Variants in SEMA6D observed in about 807,000 individuals in gnomAD.
The protein encoded by SEMA6D is semaphorin-6D.
In SEMA6D, 35 loss-of-function variants were observed where a neutral mutation model predicts 106.6. The ratio of observed to expected loss-of-function variants is 0.33; its 90% CI spans 0.25 to 0.44. The LOEUF (loss-of-function observed/expected upper bound fraction) is 0.44, where lower values mean the gene tolerates loss of function less well. Ranked by LOEUF, SEMA6D falls within the 20% of genes least tolerant of loss-of-function variation. The pLI, the probability that SEMA6D is intolerant of heterozygous loss-of-function variation, is 1.00. For missense variants in SEMA6D, 1,185 were observed against 1,345.9 expected, an observed-to-expected ratio of 0.88 and a Z score of 1.87; for synonymous variants, 499 against 487.7, an observed-to-expected ratio of 1.02 and a Z score of -0.31.
rs368127715 is a variant in SEMA6D, at chr15:47,469,217, TCTTAA to T, written c.-158-1255_-158-1251del. Among the ~76,000 whole-genome samples, 350 of 152,250 alleles carry T rather than the reference TCTTAA, an allele frequency of 2.3e-3. 1 individual carries two copies. The highest frequency in any genetic ancestry group is 8.2e-3 in the African/African-American group (340 of 41,538). ...TTGAACTTTATTATGATTTTAAAAC[TCTTAA>T]CAGGCAGTGCACCCCCTTATTGCCC... On this transcript the variant is annotated intron_variant, in intron 2 of 19. Coordinates refer to the SEMA6D transcript ENST00000558014.
chr15:47,529,883 C>T (rs151111486), intron 3 of SEMA6D, among the ~76,000 whole-genome samples: 54 of 152,288 alleles, frequency 3.5e-4, no homozygotes, highest in Admixed American at 1.1e-3. Context: ...TTTGAAAGAG[C>T]ATGTTCCAGG....
At chr15:47,210,303 G>C (rs1895397337) in intron 1 of SEMA6D, among the ~76,000 whole-genome samples, 2 of 152,280 alleles carry the variant, frequency 1.3e-5, no homozygotes, top group South Asian at 4.1e-4. Flanking sequence ...ACAAAAGAAG[G>C]TGGGGTTTCT....
At chr15:47,520,183 C>T (rs1365425979) in intron 3 of SEMA6D, among the ~76,000 whole-genome samples, 1 of 152,174 alleles carries the variant, frequency 6.6e-6, no homozygotes, top group Non-Finnish European at 1.5e-5. Context: ...AAACCACTGG[C>T]TGATACAAAA....
intron 1 of SEMA6D, among the ~76,000 whole-genome samples, chr15:47,226,379 A>G (rs1769982985): frequency 1.3e-5 from 2 of 152,026 alleles, no homozygotes; most frequent in South Asian, 4.1e-4. Context: ...TAGAAAACTA[A>G]TGCAATTATC....
chr15:47,405,877 G>T (rs555696141), intron 1 of SEMA6D, among the ~76,000 whole-genome samples: 123 of 152,206 alleles, frequency 8.1e-4, no homozygotes, highest in Middle Eastern at 6.8e-3. Flanking sequence ...CCTCTTCCCA[G>T]CAGAACCAGG....
At chr15:47,275,008 A>G (rs1269192309) in intron 1 of SEMA6D, 1 of 152,200 alleles carries the variant, frequency 6.6e-6, no homozygotes, top group African/African-American at 2.4e-5. Flanking sequence ...ATGGATGAAA[A>G]TGAAGAAGAT....
chr15:47,544,602 A>G (rs568433473), intron 3 of SEMA6D, among the ~76,000 whole-genome samples: 10 of 152,158 alleles, frequency 6.6e-5, no homozygotes, highest in Non-Finnish European at 1.2e-4. Context: ...ATGTCATCCA[A>G]GAAGTCCTGG....
intron 1 of SEMA6D, among the ~76,000 whole-genome samples, chr15:47,228,163 C>CACACACACATATAT (rs374770930): frequency 2.2e-4 from 30 of 136,826 alleles, no homozygotes; most frequent in South Asian, 4.8e-4. Context: ...CACACACACA[C>CACACACACATATAT]ATATATATAT....
chr15:47,246,944 A>C (rs2033241457), intron 1 of SEMA6D, among the ~76,000 whole-genome samples: 1 of 152,210 alleles, frequency 6.6e-6, no homozygotes, highest in African/African-American at 2.4e-5. Flanking sequence ...AATAGCCAGC[A>C]CAAAGGCAAT....
intron 1 of SEMA6D, among the ~76,000 whole-genome samples, chr15:47,248,930 A>G (rs1460054363): frequency 6.6e-6 from 1 of 152,204 alleles, no homozygotes; most frequent in African/African-American, 2.4e-5. Context: ...CTGAAGCTTC[A>G]GTTAACAGTG....
chr15:47,370,493 T>G (rs1377404254), intron 1 of SEMA6D, among the ~76,000 whole-genome samples: 1 of 151,720 alleles, frequency 6.6e-6, no homozygotes, highest in Non-Finnish European at 1.5e-5. Context: ...GCAGCCTGGG[T>G]GACAGAGACA....
intron 4 of SEMA6D, among the ~76,000 whole-genome samples, chr15:47,693,041 T>G (rs75019123): frequency 6.6e-6 from 1 of 152,130 alleles, no homozygotes; most frequent in African/African-American, 2.4e-5. Context: ...CCAAAACTTA[T>G]AGGCTGTAGT....
chr15:47,233,754 A>G (rs1480566131), intron 1 of SEMA6D, among the ~76,000 whole-genome samples: 1 of 151,906 alleles, frequency 6.6e-6, no homozygotes, highest in Non-Finnish European at 1.5e-5. Context: ...CTGATTTTGT[A>G]TGTCGATTTT....
chr15:47,535,248 A>G (rs2045121378), intron 3 of SEMA6D, among the ~76,000 whole-genome samples: 1 of 152,178 alleles, frequency 6.6e-6, no homozygotes, highest in Non-Finnish European at 1.5e-5. Flanking sequence ...GTGCTGCTCT[A>G]AGTGTTTACA....
chr15:47,523,476 G>A (rs1457917776), intron 3 of SEMA6D, among the ~76,000 whole-genome samples: 1 of 151,966 alleles, frequency 6.6e-6, no homozygotes, highest in Non-Finnish European at 1.5e-5. Context: ...GTTCCAAGCA[G>A]AGGAAAAGGG....
At chr15:47,492,442 A>C (rs112959607) in intron 3 of SEMA6D, among the ~76,000 whole-genome samples, 284 of 152,324 alleles carry the variant, frequency 1.9e-3, no homozygotes, top group African/African-American at 6.6e-3. Flanking sequence ...AGGCAAATGT[A>C]CAAATTGCTT....
intron 3 of SEMA6D, among the ~76,000 whole-genome samples, chr15:47,477,169 T>G (rs1194854790): frequency 1.3e-5 from 2 of 152,202 alleles, no homozygotes; most frequent in Non-Finnish European, 2.9e-5. Context: ...CTTGTTTTTG[T>G]TTTTGTTTCC....
chr15:47,649,385 C>T (rs1189893424), intron 4 of SEMA6D, among the ~76,000 whole-genome samples: 1 of 152,164 alleles, frequency 6.6e-6, no homozygotes, highest in East Asian at 1.9e-4. Context: ...AGACATCTAA[C>T]ACCAGTCAAA....
At chr15:47,196,792 G>C (rs774877306) in intron 1 of SEMA6D, among the ~76,000 whole-genome samples, 2 of 152,158 alleles carry the variant, frequency 1.3e-5, no homozygotes, top group Non-Finnish European at 2.9e-5. Flanking sequence ...AAACATGTTA[G>C]AAAGAGCTAC....
Sources: gnomAD v4.1 joint callset for allele counts (sites outside exome capture counted in the v4.1 genomes callset) on GRCh38, gnomAD v4.1.1 for gene constraint, MANE v1.5 for transcripts, NCBI Gene and HGNC (gene_info 2026-07-23, HGNC 2026-07-21) for gene names.